The following CHMP4C variants were observed in gnomAD, a reference collection of about 807,000 sequenced individuals.
CHMP4C encodes SNF7 homolog associated with Alix 3.
In CHMP4C, 28 loss-of-function variants were observed where a neutral mutation model predicts 29.0. That is an observed-to-expected ratio of 0.97 (90% CI 0.72 to 1.32). CHMP4C has a LOEUF of 1.32. Ranked by LOEUF, CHMP4C falls within the 40% of genes most tolerant of loss-of-function variation. The probability of loss-of-function intolerance (pLI) is 0.00; values close to 1 mark genes in which losing one functional copy is unlikely to be tolerated. For missense variants in CHMP4C, 291 were observed against 281.0 expected (o/e 1.04, Z -0.25); for synonymous variants, 106 against 102.4 (o/e 1.04, Z -0.21).
intron 1 of CHMP4C, among the ~76,000 whole-genome samples, chr8:81,745,034 G>A (rs1027386354): frequency 6.6e-6 from 1 of 151,852 alleles, no homozygotes; most frequent in Non-Finnish European, 1.5e-5. Context: ...TTTTCCATTT[G>A]GGAAATGTCT....
rs1808635551 is a variant in CHMP4C at position 81,732,825 on chromosome 8, G to C, written c.190+9G>C. 6.2e-7 allele frequency: 1 copy of C among 1,609,520 alleles called. No homozygotes were observed. The highest frequency in any genetic ancestry group is 1.3e-5 in the African/African-American group (1 of 74,894). On this transcript the variant is annotated intron_variant, in intron 1 of 4. Coordinates refer to ENST00000297265, the MANE Select transcript of CHMP4C (RefSeq NM_152284.4). Reference sequence around the variant, plus strand: ...CACGCAGAATAAGCGAGGTAGGCTGGGGTCTGGCCCACAGGCGGGAGCCCA... The same window carrying C: ...CACGCAGAATAAGCGAGGTAGGCTGCGGTCTGGCCCACAGGCGGGAGCCCA...
At chr8:81,754,977 AG>A (rs1364901861) in intron 2 of CHMP4C, among the ~76,000 whole-genome samples, 34 of 152,120 alleles carry the variant, frequency 2.2e-4, no homozygotes, top group Non-Finnish European at 4.1e-4. Flanking sequence ...GGCTCCTAAA[AG>A]CTGCCAAAGC....
At chr8:81,752,675 A>G (rs1205487242) in intron 1 of CHMP4C, among the ~76,000 whole-genome samples, 1 of 152,172 alleles carries the variant, frequency 6.6e-6, no homozygotes, top group African/African-American at 2.4e-5. Flanking sequence ...AAATGGGGCT[A>G]GAATCAAAGG....
At chr8:81,742,242 A>G (rs1442658494) in intron 1 of CHMP4C, among the ~76,000 whole-genome samples, 1 of 152,212 alleles carries the variant, frequency 6.6e-6, no homozygotes, top group Non-Finnish European at 1.5e-5. Context: ...CTAAGAATCT[A>G]GTGACTTAAA....
intron 3 of CHMP4C, 47 bp downstream of exon 3, chr8:81,755,531 A>G: frequency 8.9e-7 from 1 of 1,123,482 alleles, no homozygotes; most frequent in South Asian, 1.3e-5. Flanking sequence ...TGCTATAAAG[A>G]GTAGCTTCCT....
intron 3 of CHMP4C, 150 bp from the exon 4 acceptor site, chr8:81,757,992 G>T: frequency 1.4e-6 from 1 of 709,734 alleles, no homozygotes. Flanking sequence ...ATTGCTCAGT[G>T]TTGCAAAAAA....
At chr8:81,757,888 C>G (rs567319073) in intron 3 of CHMP4C, among the ~76,000 whole-genome samples, 2 of 152,268 alleles carry the variant, frequency 1.3e-5, no homozygotes, top group East Asian at 1.9e-4. Flanking sequence ...GTTATATATT[C>G]AGCTAGCACA....
At chr8:81,742,249 T>A (rs1371108201) in intron 1 of CHMP4C, among the ~76,000 whole-genome samples, 2 of 152,112 alleles carry the variant, frequency 1.3e-5, no homozygotes, top group African/African-American at 4.8e-5. Context: ...TCTAGTGACT[T>A]AAAATACCAA....
In CHMP4C at chr8:81,746,651, C is replaced by A. The variant is rs192280610; in HGVS notation, c.191-6413C>A. On this transcript the variant is annotated intron_variant, in intron 1 of 4. Coordinates refer to ENST00000297265, the MANE Select transcript of CHMP4C (RefSeq NM_152284.4). ...CTCTGAGTTTGGGACTCTGGTTGGG[C>A]CAACATGTAGTGTGTGGTATGGGAA... Among the ~76,000 whole-genome samples the A allele has an allele frequency of 1.2e-4, 18 of 152,268 alleles. No homozygotes were observed. The East Asian group carries it at 3.3e-3, about 28-fold the overall frequency.
chr8:81,755,558 A>G, intron 3 of CHMP4C, 74 bp downstream of exon 3: 2 of 763,270 alleles, frequency 2.6e-6, no homozygotes, highest in Non-Finnish European at 4.4e-6. Flanking sequence ...TATAGTAGGC[A>G]TGTTCCCTTA....
At chr8:81,743,365 T>C (rs1004854610) in intron 1 of CHMP4C, among the ~76,000 whole-genome samples, 1 of 151,782 alleles carries the variant, frequency 6.6e-6, no homozygotes, top group Non-Finnish European at 1.5e-5. Context: ...TATGGCTTCA[T>C]ACTTATACTT....
chr8:81,744,350 C>G (rs758580956), intron 1 of CHMP4C, among the ~76,000 whole-genome samples: 2 of 152,050 alleles, frequency 1.3e-5, no homozygotes, highest in Non-Finnish European at 2.9e-5. Flanking sequence ...TGGAAGGAAC[C>G]CATTGTGTAA....
At chr8:81,754,328 A>G (rs939808733) in intron 2 of CHMP4C, among the ~76,000 whole-genome samples, 1 of 152,154 alleles carries the variant, frequency 6.6e-6, no homozygotes, top group East Asian at 1.9e-4. Flanking sequence ...ATTTGTTCCC[A>G]GGCCCAAAGT....
At chr8:81,745,703 A>G (rs1462100415) in intron 1 of CHMP4C, among the ~76,000 whole-genome samples, 5 of 152,216 alleles carry the variant, frequency 3.3e-5, no homozygotes, top group Non-Finnish European at 7.3e-5. Context: ...GCAATAGTAC[A>G]TAAACGACAT....
intron 1 of CHMP4C, among the ~76,000 whole-genome samples, chr8:81,737,134 A>T (rs558461090): frequency 6.6e-6 from 1 of 152,162 alleles, no homozygotes; most frequent in Non-Finnish European, 1.5e-5. Flanking sequence ...ATAGGTGGTA[A>T]TCTACTTTGT....
At chr8:81,735,018 C>T (rs570164233) in intron 1 of CHMP4C, among the ~76,000 whole-genome samples, 7 of 151,870 alleles carry the variant, frequency 4.6e-5, no homozygotes, top group Non-Finnish European at 8.8e-5. Context: ...CTCAGCTTCC[C>T]GAGTAGCTGG....
rs143756917 is a variant in CHMP4C, at chr8:81,744,509, C to T, written c.191-8555C>T. Reference sequence around the variant, plus strand: ...TGGTAATGTAAATAGAACTGCTCACCGAGTAAGGCCTGTTGAACAAGGTTA... The same window carrying T: ...TGGTAATGTAAATAGAACTGCTCACTGAGTAAGGCCTGTTGAACAAGGTTA... On this transcript the variant is annotated intron_variant, in intron 1 of 4. Transcript: ENST00000297265. 3.3e-4 allele frequency among the ~76,000 whole-genome samples: 50 copies of T among 152,222 alleles called. No homozygotes were observed. In the East Asian group the frequency reaches 8.7e-3, roughly 26 times the overall value.
intron 1 of CHMP4C, among the ~76,000 whole-genome samples, chr8:81,734,981 A>C (rs368297346): frequency 6.6e-6 from 1 of 151,324 alleles, no homozygotes; most frequent in African/African-American, 2.4e-5. Flanking sequence ...GCAGCTTCCA[A>C]CTCCTGGGTT....
chr8:81,743,425 G>C (rs986240927), intron 1 of CHMP4C, among the ~76,000 whole-genome samples: 1 of 151,622 alleles, frequency 6.6e-6, no homozygotes, highest in East Asian at 1.9e-4. Flanking sequence ...CAATTTGTGG[G>C]GTTATTAATA....
Sources: allele counts gnomAD v4.1 joint callset (sites outside exome capture counted in the v4.1 genomes callset), GRCh38; gene constraint gnomAD v4.1.1; transcripts MANE v1.5; gene names NCBI Gene and HGNC (gene_info 2026-07-23, HGNC 2026-07-21).